Variants in LARGE1 observed in about 807,000 individuals in gnomAD.
LARGE1 encodes LARGE xylosyl- and glucuronyltransferase 1.
A neutral mutation model predicts 87.6 loss-of-function variants in LARGE1; 43 were observed. The observed-to-expected ratio is 0.49, with a 90% confidence interval of 0.38 to 0.63. The LOEUF is 0.63. Among genes scored for constraint, LARGE1 ranks in the 30% least tolerant of loss-of-function variants. LARGE1 has a pLI of 0.00. For missense variants in LARGE1, 802 were observed against 1,000.2 expected (o/e 0.80, Z 2.67); for synonymous variants, 434 against 394.6 (o/e 1.10, Z -1.18).
chr22:33,732,295 T>C (rs1402147274), intron 2 of LARGE1: 1 of 152,186 alleles, frequency 6.6e-6, no homozygotes, highest in African/African-American at 2.4e-5. Flanking sequence ...GGGGAATCCC[T>C]GGCCTCCCTC....
downstream of LARGE1, among the ~76,000 whole-genome samples, chr22:33,157,621 C>A (rs1921911897): frequency 6.6e-6 from 1 of 152,158 alleles, no homozygotes; most frequent in East Asian, 1.9e-4. Context: ...ACTTCCATAC[C>A]ACTATCAACA....
intron 6 of LARGE1, among the ~76,000 whole-genome samples, chr22:33,518,602 C>T (rs962837115): frequency 1.2e-4 from 18 of 152,186 alleles, no homozygotes; most frequent in Non-Finnish European, 5.9e-5. Context: ...ACCCACCGCG[C>T]CCGGCCTCAG....
Position 33,697,147 on chromosome 22 carries a change from T to C in LARGE1, c.107-46479A>G, listed in dbSNP as rs4411814. On this transcript the variant is annotated intron_variant, in intron 2 of 14. Coordinates refer to ENST00000397394, the MANE Select transcript of LARGE1 (RefSeq NM_133642.5). ...CTTGGGCCTGCTTCTGCTGCCGTTT[T>C]CTGGCAAGCATGAACAAGGGATGTT... Among the ~76,000 whole-genome samples the C allele has an allele frequency of 1.7e-4, 26 of 152,312 alleles. No individual in the cohort carries two copies. The East Asian group carries it at 4.6e-3, about 27-fold the overall frequency.
At chr22:33,337,383 TTC>T (rs1252465008) in intron 10 of LARGE1, among the ~76,000 whole-genome samples, 1 of 152,174 alleles carries the variant, frequency 6.6e-6, no homozygotes, top group African/African-American at 2.4e-5. Flanking sequence ...GTTTTGTTCA[TTC>T]TGTTTCCTCT....
chr22:33,122,365 T>TA, the LARGE1 span, among the ~76,000 whole-genome samples: 2 of 150,322 alleles, frequency 1.3e-5, no homozygotes, highest in Non-Finnish European at 3.0e-5. Context: ...TTTTCTTTTT[T>TA]TTTTTTTTTT....
At chr22:33,088,089 A>G in the LARGE1 span, among the ~76,000 whole-genome samples, 1 of 152,012 alleles carries the variant, frequency 6.6e-6, no homozygotes, top group African/African-American at 2.4e-5. Context: ...CACACACATC[A>G]TTGATATATA....
At chr22:33,120,732 G>A in the LARGE1 span, among the ~76,000 whole-genome samples, 1 of 151,936 alleles carries the variant, frequency 6.6e-6, no homozygotes, top group East Asian at 1.9e-4. Context: ...GGCCAGGCTG[G>A]TCTCAAACTC....
At chr22:33,290,477 A>G (rs1932336568) in intron 12 of LARGE1, among the ~76,000 whole-genome samples, 1 of 152,232 alleles carries the variant, frequency 6.6e-6, no homozygotes, top group Non-Finnish European at 1.5e-5. Flanking sequence ...CGAGAAGAGG[A>G]GCCAGCAATG....
chr22:33,915,064 G>GAGAGAGAGAGAGAGA (rs2065749029), intron 1 of LARGE1, among the ~76,000 whole-genome samples: 1 of 149,528 alleles, frequency 6.7e-6, no homozygotes, highest in Admixed American at 6.7e-5. Flanking sequence ...GAGAGAGAGA[G>GAGAGAGAGAGAGAGA]GCTTCTAACT....
chr22:33,363,373 C>A (rs1410850092), intron 9 of LARGE1, among the ~76,000 whole-genome samples: 1 of 149,946 alleles, frequency 6.7e-6, no homozygotes, highest in Non-Finnish European at 1.5e-5. Flanking sequence ...AGGTGAAAGG[C>A]ATGGCTTACA....
chr22:33,420,066 C>T (rs1237900101), intron 7 of LARGE1, among the ~76,000 whole-genome samples: 1 of 152,124 alleles, frequency 6.6e-6, no homozygotes, highest in Non-Finnish European at 1.5e-5. Context: ...ACTAAGTGCC[C>T]GTAGAACCTC....
At chr22:33,541,504 T>C (rs1007124455) in intron 6 of LARGE1, among the ~76,000 whole-genome samples, 2 of 152,176 alleles carry the variant, frequency 1.3e-5, no homozygotes, top group Admixed American at 1.3e-4. Context: ...TTCTTTACCT[T>C]TGTGCTGATA....
intron 6 of LARGE1, among the ~76,000 whole-genome samples, chr22:33,556,516 A>AAGGGAGGGAGGGAGGGAAGGAGGGAGGG (rs1569266585): frequency 1.9e-4 from 15 of 78,992 alleles, no homozygotes; most frequent in African/African-American, 8.4e-4. Flanking sequence ...AGAAGGAAGG[A>AAGGGAGGGAGGGAGGGAAGGAGGGAGGG]AGGGAGGGAG....
Position 33,360,065 on chromosome 22 carries a change from G to A in LARGE1, c.1131+21854C>T, listed in dbSNP as rs1284600165. Among the ~76,000 whole-genome samples the A allele has an allele frequency of 2.0e-5, 3 of 149,832 alleles. 1 individual carries two copies. The highest frequency in any genetic ancestry group is 1.9e-4 in the East Asian group (1 of 5,168). On this transcript the variant is annotated intron_variant, in intron 9 of 14. Transcript: ENST00000397394. ...TAAAGAAATCACATCTGTAATCCCT[G>A]CACTTTGGGAGACTGAGGTGGGCAG...
chr22:33,726,937 C>T (rs2083288648), intron 2 of LARGE1, among the ~76,000 whole-genome samples: 1 of 152,034 alleles, frequency 6.6e-6, no homozygotes. Flanking sequence ...TACTAAATGG[C>T]AAAGGAATGA....
At chr22:33,087,168 C>G in the LARGE1 span, among the ~76,000 whole-genome samples, 1 of 151,858 alleles carries the variant, frequency 6.6e-6, no homozygotes, top group Admixed American at 6.6e-5. Flanking sequence ...TTCTTCCACT[C>G]TCTTATTTTT....
intron 1 of LARGE1, among the ~76,000 whole-genome samples, chr22:33,866,948 C>T (rs1283264850): frequency 1.3e-5 from 2 of 152,282 alleles, no homozygotes. Context: ...TTATTGCTTA[C>T]GCTAACAGGA....
intron 6 of LARGE1, among the ~76,000 whole-genome samples, chr22:33,446,211 G>A (rs1366502731): frequency 1.3e-5 from 2 of 152,174 alleles, no homozygotes; most frequent in Non-Finnish European, 1.5e-5. Flanking sequence ...CTGGGAGGAT[G>A]GTATGTCTGG....
chr22:33,467,222 TAC>T (rs971852554), intron 6 of LARGE1, among the ~76,000 whole-genome samples: 1 of 152,216 alleles, frequency 6.6e-6, no homozygotes, highest in African/African-American at 2.4e-5. Context: ...TCTGAATTTG[TAC>T]AAATTGTGAC....
Sources: gnomAD v4.1 joint callset for allele counts (sites outside exome capture counted in the v4.1 genomes callset) on GRCh38, gnomAD v4.1.1 for gene constraint, MANE v1.5 for transcripts, NCBI Gene and HGNC (gene_info 2026-07-23, HGNC 2026-07-21) for gene names.